Variants in TMEM223 observed in about 807,000 individuals in gnomAD.
The protein encoded by TMEM223 is transmembrane protein 223.
A neutral mutation model predicts 14.1 loss-of-function variants in TMEM223; 14 were observed. That is an observed-to-expected ratio of 0.99 (90% CI 0.66 to 1.55). TMEM223 has a LOEUF of 1.55. Among genes scored for constraint, TMEM223 ranks in the 40% most tolerant of loss-of-function variants. The pLI, the probability that TMEM223 is intolerant of heterozygous loss-of-function variation, is 0.00. For synonymous variants in TMEM223, 145 were observed against 120.5 expected, an observed-to-expected ratio of 1.20 and a Z score of -1.33; for missense variants, 346 against 269.9, an observed-to-expected ratio of 1.28 and a Z score of -1.97.
chr11:62,786,276 T>C, downstream of TMEM223: 1 of 1,613,780 alleles, frequency 6.2e-7, no homozygotes, highest in East Asian at 2.2e-5. Context: ...GAACGAGTCC[T>C]GTACCCACAC....
downstream of TMEM223, chr11:62,789,547 T>A: frequency 6.4e-7 from 1 of 1,564,630 alleles, no homozygotes; most frequent in Non-Finnish European, 8.7e-7. Flanking sequence ...GGCACAGGTG[T>A]GCCTCGGATA....
chr11:62,780,260 G>A (rs956017511), intron 1 of TMEM223, among the ~76,000 whole-genome samples: 1 of 151,730 alleles, frequency 6.6e-6, no homozygotes, highest in Non-Finnish European at 1.5e-5. Flanking sequence ...AGAGGTTGCT[G>A]TGAGTCAAGA....
intron 1 of TMEM223, among the ~76,000 whole-genome samples, chr11:62,779,601 C>G (rs1158976617): frequency 6.6e-6 from 1 of 151,872 alleles, no homozygotes; most frequent in Non-Finnish European, 1.5e-5. Context: ...GTTGGGATGA[C>G]AGGTGTGAGC....
rs970072398 is a variant in TMEM223, at chr11:62,776,070, C to T, written c.315-1405G>A. On this transcript the variant is annotated intron_variant, in intron 1 of 2. Coordinates refer to the TMEM223 transcript ENST00000528367. ...AGACAGTCCATGCCTTTACAGAACTCTACTTGTAGCTGTCTGGGCTTCCAG... is the reference window on the plus strand; with the variant it reads ...AGACAGTCCATGCCTTTACAGAACTTTACTTGTAGCTGTCTGGGCTTCCAG... 3.4e-6 allele frequency: 4 copies of T among 1,174,814 alleles called. No individual in the cohort carries two copies. In the African/African-American group the frequency reaches 6.2e-5, roughly 18 times the overall value. The allele number at this position is 1,174,814 out of a possible 1,614,324, so 72.8% of individuals were successfully genotyped here.
In TMEM223 at chr11:62,791,829, C is replaced by T. The variant is rs2956139; in HGVS notation, c.166G>A (p.Gly56Ser). Residue 56 changes from glycine (G) to serine (S), a missense_variant, in exon 1 of 2, where the codon GGC becomes AGC. Physicochemically the swap from Gly to Ser is moderately conservative, Grantham distance 56 (BLOSUM62 0). Transcript: ENST00000307366. ...ACAGCCATGGAAGCCCAGAAGACGC[C>T]CTGGCCCGCGCAGAACAGCCCGAGG... ...TILGLFCAGQ[G>S]VFWASMAVAA... The T allele has an allele frequency of 4.0e-3, 6,369 of 1,588,302 alleles. 202 individuals are homozygous for T. In the African/African-American group the frequency reaches 0.075, roughly 19 times the overall value.
downstream of TMEM223, chr11:62,787,848 C>G: frequency 1.6e-6 from 1 of 631,868 alleles, no homozygotes; most frequent in Non-Finnish European, 2.9e-6. Context: ...GCAGAACCTG[C>G]GTCCATCCGT....
downstream of TMEM223, chr11:62,786,028 T>G: frequency 2.2e-6 from 1 of 462,512 alleles, no homozygotes; most frequent in Non-Finnish European, 3.9e-6. Flanking sequence ...GGCAGTGATA[T>G]TGGGTATATT....
In TMEM223 at chr11:62,791,941, G is replaced by C. The variant is rs755869017; in HGVS notation, c.54C>G (p.Pro18=). 3 of 1,591,876 alleles carry C rather than the reference G, an allele frequency of 1.9e-6. No individual in the cohort carries two copies. The highest frequency in any genetic ancestry group is 2.7e-5 in the African/African-American group (2 of 74,454). ...CTTGCAGGGGCCGGCAGGTGAGCAG[G>C]GGCCGCAGCACGGCTAGCAGCCCCG... The part of the protein sequence containing the change: ...WPTGLLAVLR[P]LLTCRPLQGT... Residue 18 remains proline (P), a synonymous_variant, in exon 1 of 2, where the codon CCC becomes CCG. Transcript: ENST00000307366.
rs921452017 is a variant in TMEM223 at position 62,790,782 on chromosome 11, A to G, written c.450T>C (p.Pro150=). 4.4e-6 allele frequency: 7 copies of G among 1,608,396 alleles called. No homozygotes were observed. The East Asian group carries it at 1.6e-4, about 36-fold the overall frequency. The change falls in exon 2 of 2, where the codon CCT becomes CCC. Residue 150 remains proline, a synonymous_variant. Transcript: ENST00000307366. ...PFGLGAHFTV[P]LKQVSCMAHR... is the part of the protein sequence containing the mutation. ...GGGCCATGCAAGATACCTGCTTCAA[A>G]GGAACTGTGAAATGGGCCCCCAAGC...
At chr11:62,778,153 T>C (rs763454995) in intron 1 of TMEM223, 3 of 1,613,364 alleles carry the variant, frequency 1.9e-6, no homozygotes, top group Non-Finnish European at 2.5e-6. Context: ...CCTGCATGGG[T>C]TGGGGATGGG....
At chr11:62,775,708 A>G (rs542242) in intron 1 of TMEM223, 60,478 of 1,519,994 alleles carry the variant, frequency 0.04, 4,686 homozygotes, top group African/African-American at 0.31. Flanking sequence ...AGGGTGTTGG[A>G]TCACACTCCT....
intron 2 of TMEM223, among the ~76,000 whole-genome samples, chr11:62,773,759 C>T (rs994581309): frequency 3.3e-5 from 5 of 151,992 alleles, no homozygotes; most frequent in Non-Finnish European, 7.4e-5. Flanking sequence ...CAAATTCTTA[C>T]GACTGGTTTG....
chr11:62,782,332 T>G, intron 1 of TMEM223: 1 of 1,613,064 alleles, frequency 6.2e-7, no homozygotes, highest in Non-Finnish European at 8.5e-7. Context: ...CCACATCTTC[T>G]GGTAGCCACT....
intron 1 of TMEM223, among the ~76,000 whole-genome samples, chr11:62,780,930 C>G (rs1490019802): frequency 7.3e-6 from 1 of 136,652 alleles, no homozygotes; most frequent in East Asian, 2.1e-4. Flanking sequence ...GAGTGAGACT[C>G]CATCTCAAAA....
At chr11:62,784,959 G>A (rs2084259325), downstream of TMEM223, among the ~76,000 whole-genome samples, 1 of 152,112 alleles carries the variant, frequency 6.6e-6, no homozygotes, top group Non-Finnish European at 1.5e-5. Context: ...GATGTGGGGA[G>A]TATTTCTTTT....
chr11:62,775,375 CG>C (rs1271511369), intron 1 of TMEM223, among the ~76,000 whole-genome samples: 1 of 152,120 alleles, frequency 6.6e-6, no homozygotes, highest in East Asian at 1.9e-4. Context: ...GAGATTTGTG[CG>C]GGGACACAGC....
chr11:62,786,110 A>T, downstream of TMEM223: 1 of 968,960 alleles, frequency 1.0e-6, no homozygotes, highest in Non-Finnish European at 1.5e-6. Context: ...GTTCCAAATA[A>T]ATATATGGTT....
intron 2 of TMEM223, among the ~76,000 whole-genome samples, chr11:62,772,818 AAAG>A (rs1308766117): frequency 1.3e-5 from 2 of 151,840 alleles, no homozygotes. Context: ...AAAAAAAAAA[AAAG>A]AATAGTTCTT....
chr11:62,782,897 C>T (rs1300598197), downstream of TMEM223: 43 of 1,580,018 alleles, frequency 2.7e-5, no homozygotes, highest in Admixed American at 8.6e-5. Context: ...ACTTGTGCAT[C>T]GTTATCTCCA....
Sources: gnomAD v4.1 joint callset for allele counts (sites outside exome capture counted in the v4.1 genomes callset) on GRCh38, gnomAD v4.1.1 for gene constraint, MANE v1.5 for transcripts, NCBI Gene and HGNC (gene_info 2026-07-23, HGNC 2026-07-21) for gene names.